The following FSHR variants were observed in gnomAD, a reference collection of about 807,000 sequenced individuals.
FSHR encodes the protein follicle stimulating hormone receptor, also known as follicle-stimulating hormone receptor.
FSHR carries 46 observed loss-of-function variants against 52.1 expected under a neutral mutation model. The ratio of observed to expected loss-of-function variants is 0.88; its 90% CI spans 0.70 to 1.13. The LOEUF (loss-of-function observed/expected upper bound fraction) is 1.13. FSHR is among the 50% of genes most tolerant of loss of function. The pLI, the probability that FSHR is intolerant of heterozygous loss-of-function variation, is 0.00. For synonymous variants in FSHR, 399 were observed against 309.6 expected (o/e 1.29, Z -3.03); for missense variants, 964 against 834.6 (o/e 1.16, Z -1.91).
chr2:49,108,661 C>T (rs1475982326), intron 1 of FSHR, among the ~76,000 whole-genome samples: 1 of 152,050 alleles, frequency 6.6e-6, no homozygotes, highest in Non-Finnish European at 1.5e-5. Context: ...CAAAGCAGAA[C>T]AAGGCATGTT....
chr2:49,066,975 G>T (rs1444335638), intron 2 of FSHR, among the ~76,000 whole-genome samples: 2 of 151,998 alleles, frequency 1.3e-5, no homozygotes, highest in African/African-American at 4.8e-5. Context: ...ACTCTGTTCA[G>T]CTTTAGTATC....
chr2:49,073,057 AAAGT>A (rs767166040), intron 1 of FSHR, among the ~76,000 whole-genome samples: 13 of 152,148 alleles, frequency 8.5e-5, no homozygotes, highest in South Asian at 2.1e-4. Flanking sequence ...TTTTAGAAAT[AAAGT>A]AAGTGAGAAT....
chr2:48,995,019 C>G (rs1453348577), intron 4 of FSHR, among the ~76,000 whole-genome samples: 1 of 152,134 alleles, frequency 6.6e-6, no homozygotes, highest in African/African-American at 2.4e-5. Flanking sequence ...ATATGCTTGC[C>G]TTTCATAAAC....
At chr2:48,970,823 CT>C (rs1226905319) in intron 8 of FSHR, among the ~76,000 whole-genome samples, 1 of 152,168 alleles carries the variant, frequency 6.6e-6, no homozygotes, top group Non-Finnish European at 1.5e-5. Context: ...CCAGTTTCCC[CT>C]GTTTTTCATA....
intron 4 of FSHR, among the ~76,000 whole-genome samples, chr2:49,008,105 C>A (rs1289471460): frequency 1.3e-5 from 2 of 148,644 alleles, no homozygotes; most frequent in African/African-American, 5.0e-5. Flanking sequence ...TATACATGTG[C>A]CATGCTGGTG....
chr2:49,144,096 T>C (rs1672786181), intron 1 of FSHR, among the ~76,000 whole-genome samples: 1 of 152,084 alleles, frequency 6.6e-6, no homozygotes, highest in Non-Finnish European at 1.5e-5. Flanking sequence ...CTTACGACTG[T>C]TGGATGCTGA....
chr2:49,034,223 A>T (rs1172521612), intron 2 of FSHR, among the ~76,000 whole-genome samples: 3 of 152,216 alleles, frequency 2.0e-5, no homozygotes, highest in Non-Finnish European at 4.4e-5. Flanking sequence ...AGGACTGAGT[A>T]GGAGGAAGCC....
At chr2:48,995,160 C>T (rs1282424724) in intron 4 of FSHR, among the ~76,000 whole-genome samples, 1 of 152,042 alleles carries the variant, frequency 6.6e-6, no homozygotes, top group East Asian at 1.9e-4. Flanking sequence ...TTGCACTGGT[C>T]TATGTGCCAT....
intron 2 of FSHR, among the ~76,000 whole-genome samples, chr2:49,026,664 A>C (rs1358507890): frequency 6.6e-6 from 1 of 152,222 alleles, no homozygotes; most frequent in African/African-American, 2.4e-5. Flanking sequence ...AAAAGTTGCG[A>C]GTGCAGAGTC....
intron 2 of FSHR, among the ~76,000 whole-genome samples, chr2:49,038,647 T>A (rs373711593): frequency 0.37 from 43,564 of 117,728 alleles, 10,106 homozygotes; most frequent in East Asian, 0.4. Flanking sequence ...ATAATAATAA[T>A]AATAATAATA....
chr2:48,990,887 T>C (rs972299287), intron 4 of FSHR, among the ~76,000 whole-genome samples: 9 of 102,226 alleles, frequency 8.8e-5, no homozygotes, highest in Admixed American at 5.4e-4. Flanking sequence ...TGCCACAGTA[T>C]ACATTAAAAA....
At chr2:49,062,273 G>A (rs1669339543) in intron 2 of FSHR, among the ~76,000 whole-genome samples, 1 of 152,080 alleles carries the variant, frequency 6.6e-6, no homozygotes, top group Non-Finnish European at 1.5e-5. Context: ...TATTTATAGT[G>A]AAGTGATTTT....
At chr2:48,984,174 A>G (rs962691072) in intron 6 of FSHR, among the ~76,000 whole-genome samples, 10 of 152,188 alleles carry the variant, frequency 6.6e-5, no homozygotes, top group African/African-American at 2.4e-4. Context: ...TTAAAATCAC[A>G]GGAGAACAAC....
At chr2:49,024,443 G>T (rs969965631) in intron 2 of FSHR, among the ~76,000 whole-genome samples, 1 of 152,100 alleles carries the variant, frequency 6.6e-6, no homozygotes, top group Non-Finnish European at 1.5e-5. Flanking sequence ...GCGTGGTGGT[G>T]CATGCCTGTG....
intron 4 of FSHR, among the ~76,000 whole-genome samples, chr2:49,008,098 A>T (rs1222939725): frequency 6.7e-6 from 1 of 150,150 alleles, no homozygotes; most frequent in Non-Finnish European, 1.5e-5. Context: ...ACATATGTAT[A>T]CATGTGCCAT....
chr2:49,115,828 CT>C (rs1671578047), intron 1 of FSHR, among the ~76,000 whole-genome samples: 1 of 152,090 alleles, frequency 6.6e-6, no homozygotes, highest in African/African-American at 2.4e-5. Flanking sequence ...ATAAATGTTA[CT>C]GTCAAGGACC....
At chr2:49,133,877 T>C (rs900585946) in intron 1 of FSHR, among the ~76,000 whole-genome samples, 70 of 152,184 alleles carry the variant, frequency 4.6e-4, no homozygotes, top group African/African-American at 1.6e-3. Flanking sequence ...TGTAGAAAGC[T>C]GAAACTGGAT....
intron 2 of FSHR, among the ~76,000 whole-genome samples, chr2:49,023,556 T>C (rs1667816450): frequency 6.6e-6 from 1 of 152,082 alleles, no homozygotes; most frequent in Non-Finnish European, 1.5e-5. Flanking sequence ...TAATACAGAG[T>C]ATAACATGCA....
chr2:49,112,442 T>A (rs1504191), intron 1 of FSHR, among the ~76,000 whole-genome samples: 80,176 of 152,054 alleles, frequency 0.53, 23,454 homozygotes, highest in African/African-American at 0.77. Flanking sequence ...ATGAAACAAG[T>A]TTAACCATTT....
Sources: allele counts gnomAD v4.1 joint callset (sites outside exome capture counted in the v4.1 genomes callset), GRCh38; gene constraint gnomAD v4.1.1; transcripts MANE v1.5; gene names NCBI Gene and HGNC (gene_info 2026-07-23, HGNC 2026-07-21).